The following ANAPC1 variants were observed in gnomAD, a reference collection of about 807,000 sequenced individuals.
The protein encoded by ANAPC1 is anaphase-promoting complex subunit 1.
ANAPC1 carries 36 observed loss-of-function variants against 208.0 expected under a neutral mutation model. That is an observed-to-expected ratio of 0.17 (90% CI 0.13 to 0.23). The LOEUF (loss-of-function observed/expected upper bound fraction) is 0.23, where lower values mean the gene tolerates loss of function less well. Among genes scored for constraint, ANAPC1 ranks in the 10% least tolerant of loss-of-function variants. The probability of loss-of-function intolerance (pLI) is 1.00; values close to 1 mark genes in which losing one functional copy is unlikely to be tolerated. For synonymous variants in ANAPC1, 378 were observed against 695.2 expected (o/e 0.54, Z 7.18); for missense variants, 942 against 2,011.6 (o/e 0.47, Z 10.17).
At chr2:111,835,539 C>T (rs1250334372) in intron 18 of ANAPC1, among the ~76,000 whole-genome samples, 3 of 152,064 alleles carry the variant, frequency 2.0e-5, no homozygotes, top group Non-Finnish European at 4.4e-5. Flanking sequence ...AAAGAACTAA[C>T]CATAAAAGAA....
chr2:111,832,498 A>G (rs1186706883), intron 20 of ANAPC1, among the ~76,000 whole-genome samples: 1 of 152,162 alleles, frequency 6.6e-6, no homozygotes, highest in Non-Finnish European at 1.5e-5. Flanking sequence ...GCACTGTCCA[A>G]TATGGTAGCA....
At chr2:111,824,284 T>C (rs972438186) in intron 24 of ANAPC1, among the ~76,000 whole-genome samples, 4 of 137,528 alleles carry the variant, frequency 2.9e-5, no homozygotes, top group African/African-American at 7.8e-5. Flanking sequence ...ATTTAGAACA[T>C]ACTTTAGATA....
intron 24 of ANAPC1, among the ~76,000 whole-genome samples, chr2:111,824,759 G>A (rs1679736846): frequency 6.6e-6 from 1 of 152,110 alleles, no homozygotes; most frequent in Non-Finnish European, 1.5e-5. Flanking sequence ...GATTCCTTAT[G>A]CATCAAGATA....
intron 17 of ANAPC1, among the ~76,000 whole-genome samples, chr2:111,840,190 TAAAG>T (rs200410641): frequency 0.16 from 23,688 of 151,812 alleles, 1,889 homozygotes; most frequent in Admixed American, 0.19. Flanking sequence ...ATCAGCAAAT[TAAAG>T]AAAGCACAAA....
In ANAPC1 at chr2:111,817,782, C is replaced by A. The variant is rs568962088; in HGVS notation, c.3325+1058G>T. 6.4e-4 allele frequency among the ~76,000 whole-genome samples: 59 copies of A among 91,808 alleles called. 10 individuals carry two copies. The highest frequency in any genetic ancestry group is 0.013 in the Middle Eastern group (2 of 152). The allele number at this position is 91,808 out of a possible 152,430, so 60.2% of individuals were successfully genotyped here. ...CTACCACATATACTATACACTCCTA[C>A]AACATACATTATACATTTTGTATAG... On this transcript the variant is annotated intron_variant, in intron 27 of 47. Transcript: ENST00000341068.
Position 111,833,330 on chromosome 2 carries a change from G to A in ANAPC1, c.2385-19C>T. ...TAAGTCCCTAAAACAGTAAGGGCAT[G>A]TAAAAAAGAAGGTATTACAGCACTT... On this transcript the variant is annotated intron_variant, in intron 19 of 47. Coordinates refer to ENST00000341068, the MANE Select transcript of ANAPC1 (RefSeq NM_022662.4). The A allele has an allele frequency of 1.3e-6, 2 of 1,560,472 alleles. No individual in the cohort carries two copies. The highest frequency in any genetic ancestry group is 1.2e-5 in the South Asian group (1 of 82,464).
chr2:111,864,706 G>A lies in ANAPC1; in HGVS notation c.831+100C>T, dbSNP rs569730345. On this transcript the variant is annotated intron_variant, in intron 8 of 47. Transcript: ENST00000341068. ...TGAACGTCCTGACCTCAAGTGATCC[G>A]CCTGCCTTGGCCTCCCAAAATGCTA... 159 of 1,570,890 alleles carry A rather than the reference G, an allele frequency of 1.0e-4. 1 individual carries two copies. The highest frequency in any genetic ancestry group is 7.5e-4 in the African/African-American group (55 of 73,792).
At chr2:111,870,640 C>T (rs1041160708) in intron 6 of ANAPC1, among the ~76,000 whole-genome samples, 43 of 152,322 alleles carry the variant, frequency 2.8e-4, no homozygotes, top group African/African-American at 1.0e-3. Context: ...TTTTCTCCCA[C>T]TGTGTGAACT....
intron 5 of ANAPC1, 186 bp from the exon 6 acceptor site, chr2:111,872,898 A>G: frequency 1.7e-6 from 1 of 580,484 alleles, no homozygotes; most frequent in South Asian, 2.2e-5. Context: ...ATAAAATCAA[A>G]TCTAATAAAG....
chr2:111,875,396 A>G (rs996701283), intron 3 of ANAPC1, among the ~76,000 whole-genome samples: 2 of 152,152 alleles, frequency 1.3e-5, no homozygotes, highest in African/African-American at 4.8e-5. Context: ...TACAGTCTCA[A>G]CTTCCTTTGA....
chr2:111,880,654 C>A lies in ANAPC1; in HGVS notation c.172G>T (p.Val58Leu), dbSNP rs1180771440. The change falls in exon 2 of 48, where the codon GTG becomes TTG. Residue 58 changes from valine (V) to leucine (L), a missense_variant. Transcript: ENST00000341068. ...LWSSDGAAGL[V>L]GSLQEVTIHE... ...ATTGTAACCTCCTGAAGGGATCCCA[C>A]CAAGCCAGCAGCACCATCAGAAGAC... is the stretch of plus-strand genomic sequence containing the variant. 1.2e-6 allele frequency: 2 copies of A among 1,612,988 alleles called. No individual in the cohort carries two copies. The highest frequency in any genetic ancestry group is 2.2e-5 in the South Asian group (2 of 91,040).
intron 17 of ANAPC1, among the ~76,000 whole-genome samples, chr2:111,841,690 T>C (rs1680773422): frequency 6.6e-6 from 1 of 152,126 alleles, no homozygotes; most frequent in African/African-American, 2.4e-5. Context: ...ACATGGGAAG[T>C]CACTGGGGGA....
At chr2:111,827,809 C>A (rs1405841726) in intron 21 of ANAPC1, among the ~76,000 whole-genome samples, 1 of 151,844 alleles carries the variant, frequency 6.6e-6, no homozygotes, top group Non-Finnish European at 1.5e-5. Context: ...AATGAGGAAA[C>A]CAAAAACGTA....
intron 13 of ANAPC1, among the ~76,000 whole-genome samples, chr2:111,851,140 T>C (rs1681373450): frequency 6.6e-6 from 1 of 152,140 alleles, no homozygotes; most frequent in Non-Finnish European, 1.5e-5. Context: ...TCTCACTCTT[T>C]TCCCGTGGGT....
intron 13 of ANAPC1, among the ~76,000 whole-genome samples, chr2:111,852,397 TC>T (rs1372383403): frequency 6.6e-6 from 1 of 152,014 alleles, no homozygotes; most frequent in Non-Finnish European, 1.5e-5. Flanking sequence ...TCTTACTCTT[TC>T]CAGCCAAAGT....
intron 20 of ANAPC1, among the ~76,000 whole-genome samples, chr2:111,832,936 T>TAAAAAAAAAAAAAAA (rs1680231505): frequency 6.3e-5 from 1 of 15,970 alleles, no homozygotes; most frequent in African/African-American, 1.9e-4. Flanking sequence ...AGACTCAGTC[T>TAAAAAAAAAAAAAAA]CAAAAAAAAA....
At position 111,815,146 on chromosome 2, in the gene ANAPC1, G is replaced by GAA. The variant is rs1223576868; in HGVS notation, c.3597+222_3597+223dup. Reference sequence around the variant, plus strand: ...TAAATTCTACTCTGCCTTACTCAAGGAAAAAAAAAAAAAAAAAAAAGCAAT... The same window carrying GAA: ...TAAATTCTACTCTGCCTTACTCAAGGAAAAAAAAAAAAAAAAAAAAAAGCAAT... On this transcript the variant is annotated intron_variant, in intron 28 of 47. Coordinates refer to ENST00000341068, the MANE Select transcript of ANAPC1 (RefSeq NM_022662.4). Among the ~76,000 whole-genome samples, 645 of 68,488 alleles carry GAA rather than the reference G, an allele frequency of 9.4e-3. 21 individuals are homozygous for GAA. The South Asian group carries it at 0.1, about 11-fold the overall frequency. 44.9% of individuals were successfully genotyped at this position (68,488 alleles called of 152,430 possible).
intron 6 of ANAPC1, among the ~76,000 whole-genome samples, chr2:111,871,321 G>A (rs2104587518): frequency 6.6e-6 from 1 of 152,292 alleles, no homozygotes; most frequent in South Asian, 2.1e-4. Flanking sequence ...ATCATGGGAT[G>A]TGTTACCATT....
chr2:111,866,984 C>G (rs548336666), intron 7 of ANAPC1, among the ~76,000 whole-genome samples: 3 of 152,122 alleles, frequency 2.0e-5, no homozygotes, highest in East Asian at 1.9e-4. Flanking sequence ...TTCCTACAAC[C>G]CTTTAAAAGG....
Sources: gnomAD v4.1 joint callset for allele counts (sites outside exome capture counted in the v4.1 genomes callset) on GRCh38, gnomAD v4.1.1 for gene constraint, MANE v1.5 for transcripts, NCBI Gene and HGNC (gene_info 2026-07-23, HGNC 2026-07-21) for gene names.